The following TMPRSS15 variants were observed in gnomAD, a reference collection of about 807,000 sequenced individuals.
TMPRSS15 encodes transmembrane serine protease 15.
Under a neutral mutation model 125.3 loss-of-function variants are expected in TMPRSS15, and 128 were observed. The ratio of observed to expected loss-of-function variants is 1.02; its 90% confidence interval spans 0.89 to 1.18. The LOEUF (loss-of-function observed/expected upper bound fraction) is 1.18. Ranked by LOEUF, TMPRSS15 falls within the 50% of genes most tolerant of loss-of-function variation. TMPRSS15 has a pLI of 0.00. For missense variants in TMPRSS15, 1,283 were observed against 1,212.7 expected (o/e 1.06, Z -0.86); for synonymous variants, 446 against 423.2 (o/e 1.05, Z -0.66).
In TMPRSS15 at chr21:18,294,299, C is replaced by T. The variant is rs1034438234; in HGVS notation, c.2457G>A (p.Trp819Ter). 6 of 1,614,118 alleles carry T rather than the reference C, an allele frequency of 3.7e-6. No homozygotes were observed. In the African/African-American group the frequency reaches 5.3e-5, roughly 14 times the overall value. The change falls in exon 21 of 25, where the codon TGG (tryptophan) becomes TGA (stop). Residue 819 changes from tryptophan (W) to a stop codon, truncating the protein, a stop_gained. Transcript: ENST00000284885. LOFTEE classifies it high-confidence loss of function. ...LCGASLVSSDWLVSAAHCVYG... is the reference protein window; with the variant it reads ...LCGASLVSSD ...ACACGCAGTGTGCGGCGGACACCAG[C>T]CAGTCACTGCTGACGAGAGATGCGC...
In TMPRSS15 at chr21:18,298,677, A is replaced by T. The variant is rs573146174; in HGVS notation, c.2166-848T>A. Among the ~76,000 whole-genome samples the T allele has an allele frequency of 5.3e-5, 8 of 152,334 alleles. No individual in the cohort carries two copies. In the South Asian group the frequency reaches 1.2e-3, roughly 24 times the overall value. ...TTCAGATTTTAATCATCATATAAAAATATGCCTTTAGGCTGGAAACATCCT... is the reference window on the plus strand; with the variant it reads ...TTCAGATTTTAATCATCATATAAAATTATGCCTTTAGGCTGGAAACATCCT... On this transcript the variant is annotated intron_variant, in intron 18 of 24. Coordinates refer to ENST00000284885, the MANE Select transcript of TMPRSS15 (RefSeq NM_002772.3).
intron 1 of TMPRSS15, among the ~76,000 whole-genome samples, chr21:18,436,093 C>A (rs910832969): frequency 6.6e-6 from 1 of 151,132 alleles, no homozygotes; most frequent in Non-Finnish European, 1.5e-5. Context: ...CTCCTGGATT[C>A]ATTAATTTTT....
intron 24 of TMPRSS15, 101 bp downstream of exon 24, chr21:18,275,096 A>G (rs1568975172): frequency 1.4e-6 from 2 of 1,470,266 alleles, no homozygotes; most frequent in African/African-American, 1.4e-5. Flanking sequence ...AGAGAAATGA[A>G]AGAAGCTTAT....
At chr21:18,281,602 T>A (rs2146872542) in intron 21 of TMPRSS15, among the ~76,000 whole-genome samples, 1 of 152,298 alleles carries the variant, frequency 6.6e-6, no homozygotes, top group South Asian at 2.1e-4. Flanking sequence ...TAAAAAATAC[T>A]TCTAAAATTA....
chr21:18,454,666 A>G (rs534602517), intron 1 of TMPRSS15, among the ~76,000 whole-genome samples: 46 of 152,078 alleles, frequency 3.0e-4, no homozygotes, highest in Non-Finnish European at 6.2e-4. Context: ...GGAGGATCAC[A>G]AGCTCCAACG....
chr21:18,345,348 A>C (rs1030541198), intron 10 of TMPRSS15, among the ~76,000 whole-genome samples: 6 of 152,154 alleles, frequency 3.9e-5, no homozygotes, highest in Admixed American at 1.3e-4. Context: ...TACAGAAGAG[A>C]GGTCCCAGAA....
At chr21:18,311,581 C>A (rs2075101592) in intron 18 of TMPRSS15, among the ~76,000 whole-genome samples, 1 of 152,088 alleles carries the variant, frequency 6.6e-6, no homozygotes, top group South Asian at 2.1e-4. Flanking sequence ...AAAAGAGAGG[C>A]AGTAAGGGAT....
intron 3 of TMPRSS15, among the ~76,000 whole-genome samples, chr21:18,394,722 C>A (rs533851321): frequency 1.3e-5 from 2 of 152,080 alleles, no homozygotes; most frequent in East Asian, 3.9e-4. Flanking sequence ...AAAAAAAACA[C>A]ATTCCTACTA....
Position 18,329,263 on chromosome 21 carries a change from C to T in TMPRSS15, c.1686G>A (p.Lys562=). Reference sequence around the variant, plus strand: ...ATTCTTGAAAATGAAGTTGTATATTCTTTCCTTTTTGTGCATTTAAAATCC... The same window carrying T: ...ATTCTTGAAAATGAAGTTGTATATTTTTTCCTTTTTGTGCATTTAAAATCC... ...CVWILNAQKG[K]NIQLHFQEFD... Residue 562 remains lysine, a synonymous_variant, in exon 15 of 25, where the codon AAG becomes AAA. Coordinates refer to ENST00000284885, the MANE Select transcript of TMPRSS15 (RefSeq NM_002772.3). The T allele has an allele frequency of 6.2e-7, 1 of 1,611,654 alleles. No homozygotes were observed. The highest frequency in any genetic ancestry group is 8.5e-7 in the Non-Finnish European group (1 of 1,178,606).
At position 18,384,094 on chromosome 21, in the gene TMPRSS15, G is replaced by A. The variant is rs191115107; in HGVS notation, c.345-316C>T. ...CCTGAGACCCTTGTGTTAAAATCAC[G>A]TGGTCTCTTTGCACTTACTCTGATT... is the stretch of plus-strand genomic sequence containing the variant. On this transcript the variant is annotated intron_variant, in intron 3 of 24. Coordinates refer to ENST00000284885, the MANE Select transcript of TMPRSS15 (RefSeq NM_002772.3). Among the ~76,000 whole-genome samples the A allele has an allele frequency of 2.7e-3, 410 of 152,240 alleles. 1 individual carries two copies. The highest frequency in any genetic ancestry group is 9.3e-3 in the African/African-American group (387 of 41,550).
At chr21:18,399,891 A>G (rs2076079411) in intron 1 of TMPRSS15, among the ~76,000 whole-genome samples, 1 of 152,172 alleles carries the variant, frequency 6.6e-6, no homozygotes. Flanking sequence ...GTTTCAGGAT[A>G]CAAAATAAAT....
At chr21:18,328,258 A>C (rs1325212577) in intron 15 of TMPRSS15, among the ~76,000 whole-genome samples, 2 of 152,146 alleles carry the variant, frequency 1.3e-5, no homozygotes, top group Non-Finnish European at 2.9e-5. Flanking sequence ...AATAATCAAT[A>C]AATAAAAAAG....
At position 18,275,317 on chromosome 21, in the gene TMPRSS15, C is replaced by T; in HGVS notation, c.2784G>A (p.Leu928=). Residue 928 remains leucine (L), a synonymous_variant, in exon 24 of 25, where the codon TTG becomes TTA. Coordinates refer to ENST00000284885, the MANE Select transcript of TMPRSS15 (RefSeq NM_002772.3). ...ATAGAAGAGGAACATCAGCTTCTTG[C>T]AATATGTTTGCAGTAGTACCTGCTC... is the stretch of plus-strand genomic sequence containing the variant. The part of the protein sequence containing the change: ...VVYQGTTANI[L]QEADVPLLSN... 6.2e-7 allele frequency: 1 copy of T among 1,613,988 alleles called. No homozygotes were observed. The highest frequency in any genetic ancestry group is 8.5e-7 in the Non-Finnish European group (1 of 1,179,990).
chr21:18,472,158 G>A (rs1313567178), intron 1 of TMPRSS15, among the ~76,000 whole-genome samples: 1 of 151,942 alleles, frequency 6.6e-6, no homozygotes, highest in Non-Finnish European at 1.5e-5. Context: ...AATAATTGTT[G>A]CATCAGAAAA....
intron 1 of TMPRSS15, among the ~76,000 whole-genome samples, chr21:18,441,311 C>CAAAACA (rs1569069541): frequency 4.9e-5 from 6 of 122,360 alleles, no homozygotes; most frequent in African/African-American, 1.9e-4. Context: ...AAAACAAAAC[C>CAAAACA]AAAAAAACAA....
chr21:18,355,948 C>T lies in TMPRSS15; in HGVS notation c.881-2085G>A, dbSNP rs142667470. Among the ~76,000 whole-genome samples the T allele has an allele frequency of 7.4e-4, 113 of 151,794 alleles. 1 individual carries two copies. Among genetic ancestry groups the T allele is most frequent in the Non-Finnish European group, 6.3e-4 (43 of 67,754 alleles). Reference sequence around the variant, plus strand: ...GAGTAATAGAATTTGCCTACATAAACGAGACAGGGTTTGTGTTGAAAGAAA... The same window carrying T: ...GAGTAATAGAATTTGCCTACATAAATGAGACAGGGTTTGTGTTGAAAGAAA... On this transcript the variant is annotated intron_variant, in intron 8 of 24. Coordinates refer to ENST00000284885, the MANE Select transcript of TMPRSS15 (RefSeq NM_002772.3).
At chr21:18,434,826 A>ACTCACCTATTG (rs1555912372) in intron 1 of TMPRSS15, among the ~76,000 whole-genome samples, 2 of 151,350 alleles carry the variant, frequency 1.3e-5, no homozygotes, top group South Asian at 4.1e-4. Flanking sequence ...ACATTTAAAA[A>ACTCACCTATTG]CTCATAAATT....
At chr21:18,400,769 A>C (rs2076087420) in intron 1 of TMPRSS15, among the ~76,000 whole-genome samples, 1 of 152,166 alleles carries the variant, frequency 6.6e-6, no homozygotes, top group Non-Finnish European at 1.5e-5. Context: ...CTGCAAAATA[A>C]ACTATCAAGA....
At chr21:18,394,867 C>T (rs1024750021) in intron 3 of TMPRSS15, among the ~76,000 whole-genome samples, 6 of 152,124 alleles carry the variant, frequency 3.9e-5, no homozygotes, top group Non-Finnish European at 5.9e-5. Context: ...TCCACTCTGA[C>T]TTTCTGAGTA....
Sources: allele counts gnomAD v4.1 joint callset (sites outside exome capture counted in the v4.1 genomes callset), GRCh38; gene constraint gnomAD v4.1.1; transcripts MANE v1.5; gene names NCBI Gene and HGNC (gene_info 2026-07-23, HGNC 2026-07-21).